XRRA1: variants seen among roughly 807,000 people sequenced by gnomAD.
XRRA1 encodes X-ray radiation resistance associated 1.
Under a neutral mutation model 80.2 loss-of-function variants are expected in XRRA1, and 69 were observed. That is an observed-to-expected ratio of 0.86 (90% CI 0.71 to 1.05). XRRA1 has a LOEUF of 1.05. Ranked by LOEUF, XRRA1 falls within the 50% of genes least tolerant of loss-of-function variation. The pLI, the probability that XRRA1 is intolerant of heterozygous loss-of-function variation, is 0.00. For synonymous variants in XRRA1, 348 were observed against 389.9 expected (o/e 0.89, Z 1.27); for missense variants, 967 against 976.4 (o/e 0.99, Z 0.13).
Position 74,933,898 on chromosome 11 carries a change from T to C in XRRA1, c.280-26A>G, listed in dbSNP as rs779558345. Reference sequence around the variant, plus strand: ...CTGGAACATAATACAAAGAGTTGTCTCTTAAGGCCCCTACAAAGTTTAATT... The same window carrying C: ...CTGGAACATAATACAAAGAGTTGTCCCTTAAGGCCCCTACAAAGTTTAATT... On this transcript the variant is annotated intron_variant, in intron 4 of 18. Coordinates refer to ENST00000684022, the MANE Select transcript of XRRA1 (RefSeq NM_001378157.1). 4.4e-6 allele frequency: 7 copies of C among 1,587,618 alleles called. No individual in the cohort carries two copies. In the South Asian group the frequency reaches 4.6e-5, roughly 10 times the overall value.
chr11:74,919,619 A>G (rs917341738), intron 8 of XRRA1: 1 of 551,998 alleles, frequency 1.8e-6, no homozygotes, highest in Non-Finnish European at 3.6e-6. Flanking sequence ...GCAAGAAGAA[A>G]AAGGGCCGTT....
chr11:74,906,826 GA>G, intron 9 of XRRA1: 1 of 390,450 alleles, frequency 2.6e-6, no homozygotes, highest in East Asian at 4.7e-5. Context: ...TTCTCTTTCT[GA>G]TTCTCAATAT....
chr11:74,869,801 C>T (rs1036485573), intron 10 of XRRA1, among the ~76,000 whole-genome samples: 2 of 152,174 alleles, frequency 1.3e-5, no homozygotes, highest in Non-Finnish European at 2.9e-5. Flanking sequence ...TATAAGAGCC[C>T]CTGCATTTAA....
intron 10 of XRRA1, 101 bp downstream of exon 10, chr11:74,906,138 T>A (rs1176289874): frequency 1.8e-6 from 2 of 1,100,850 alleles, no homozygotes; most frequent in Non-Finnish European, 1.3e-6. Context: ...CAAATTCAAT[T>A]CGTGATATTC....
At chr11:74,926,612 ACT>A (rs1942299038) in intron 7 of XRRA1, among the ~76,000 whole-genome samples, 1 of 152,036 alleles carries the variant, frequency 6.6e-6, no homozygotes, top group Non-Finnish European at 1.5e-5. Context: ...TACTGCCGTG[ACT>A]CTCAGGTAGT....
intron 10 of XRRA1, among the ~76,000 whole-genome samples, chr11:74,865,981 AAC>A (rs1252582683): frequency 1.3e-5 from 2 of 152,216 alleles, no homozygotes; most frequent in Admixed American, 1.3e-4. Flanking sequence ...CAGGAAATGT[AAC>A]AGTCAGTCTG....
At chr11:74,867,917 C>CTTTTTTTTTTTTTTTTTTTTTTTTTT (rs60520990) in intron 10 of XRRA1, among the ~76,000 whole-genome samples, 1 of 106,748 alleles carries the variant, frequency 9.4e-6, no homozygotes. Flanking sequence ...TATAGTCAAT[C>CTTTTTTTTTTTTTTTTTTTTTTTTTT]TTTTTTTTTT....
chr11:74,894,980 T>G (rs1472911037), intron 10 of XRRA1, among the ~76,000 whole-genome samples: 3 of 152,112 alleles, frequency 2.0e-5, no homozygotes, highest in Non-Finnish European at 4.4e-5. Context: ...CAAATATCAG[T>G]AACCAAAGAG....
rs535753675 is a variant in XRRA1 at position 74,875,046 on chromosome 11, G to C, written c.1004-12025C>G. On this transcript the variant is annotated intron_variant, in intron 10 of 18. Transcript: ENST00000684022. ...TAACATTTACACAGAATCCAAGTAT[G>C]CTTTCTTAGTTCTTTATGCTCATGC... Among the ~76,000 whole-genome samples, 4 of 152,312 alleles carry C rather than the reference G, an allele frequency of 2.6e-5. No homozygotes were observed. The East Asian group carries it at 7.7e-4, about 29-fold the overall frequency.
chr11:74,933,719 G>GT, intron 5 of XRRA1, 82 bp downstream of exon 5: 1 of 1,295,702 alleles, frequency 7.7e-7, no homozygotes. Context: ...GACTCTGGAG[G>GT]TGCAAGAGAC....
chr11:74,917,797 G>A (rs1298599478), intron 8 of XRRA1, among the ~76,000 whole-genome samples: 1 of 152,064 alleles, frequency 6.6e-6, no homozygotes, highest in African/African-American at 2.4e-5. Flanking sequence ...TTCCTAAGGA[G>A]GTACTTTTAC....
rs561000045 is a variant in XRRA1 at position 74,859,321 on chromosome 11, TAATA to T, written c.1045-42_1045-39del. 2,150 of 1,577,774 alleles carry T rather than the reference TAATA, an allele frequency of 1.4e-3. 4 individuals carry two copies. The highest frequency in any genetic ancestry group is 1.7e-3 in the Non-Finnish European group (1,957 of 1,162,306). On this transcript the variant is annotated intron_variant, in intron 11 of 18. Coordinates refer to ENST00000684022, the MANE Select transcript of XRRA1 (RefSeq NM_001378157.1). ...GAAAAGTCAAAATCAAAGTGCCCGA[TAATA>T]AATAAGGCCACTAAGGGCCAACAGA...
intron 3 of XRRA1, 66 bp from the exon 4 acceptor site, chr11:74,937,134 C>A: frequency 6.6e-7 from 1 of 1,509,826 alleles, no homozygotes; most frequent in Non-Finnish European, 8.9e-7. Flanking sequence ...CAGTTATAGA[C>A]TTTGTTTATA....
chr11:74,936,302 T>G (rs999078980), intron 4 of XRRA1, among the ~76,000 whole-genome samples: 21 of 152,188 alleles, frequency 1.4e-4, no homozygotes, highest in African/African-American at 5.1e-4. Flanking sequence ...CTAAGTAATA[T>G]CTGGTCAGCT....
At chr11:74,917,213 C>T (rs1482916610) in intron 8 of XRRA1, among the ~76,000 whole-genome samples, 1 of 152,016 alleles carries the variant, frequency 6.6e-6, no homozygotes, top group African/African-American at 2.4e-5. Flanking sequence ...TTTTGTCCAC[C>T]CTGGCTCCTG....
intron 14 of XRRA1, among the ~76,000 whole-genome samples, chr11:74,850,497 AT>A (rs1257739748): frequency 6.6e-6 from 1 of 152,174 alleles, no homozygotes; most frequent in Non-Finnish European, 1.5e-5. Context: ...AACTTTTGGG[AT>A]CAGCAATGCT....
chr11:74,896,838 G>C (rs1400845877), intron 10 of XRRA1, among the ~76,000 whole-genome samples: 1 of 152,224 alleles, frequency 6.6e-6, no homozygotes, highest in South Asian at 2.1e-4. Flanking sequence ...GATGGTGCAT[G>C]TACAAGTTTG....
intron 10 of XRRA1, among the ~76,000 whole-genome samples, chr11:74,904,351 T>C (rs1285348403): frequency 1.3e-5 from 2 of 151,922 alleles, no homozygotes; most frequent in Non-Finnish European, 2.9e-5. Flanking sequence ...CCCAGCTACT[T>C]GGGAGGCTGA....
intron 14 of XRRA1, among the ~76,000 whole-genome samples, chr11:74,849,667 C>T (rs570077825): frequency 6.6e-6 from 1 of 152,232 alleles, no homozygotes; most frequent in Non-Finnish European, 1.5e-5. Flanking sequence ...TCCCCGCCCC[C>T]TCCCAAGGGA....
Sources: gnomAD v4.1 joint callset for allele counts (sites outside exome capture counted in the v4.1 genomes callset) on GRCh38, gnomAD v4.1.1 for gene constraint, MANE v1.5 for transcripts, NCBI Gene and HGNC (gene_info 2026-07-23, HGNC 2026-07-21) for gene names.